AKAP19: variants seen among roughly 807,000 people sequenced by gnomAD.
The protein encoded by AKAP19 is A-kinase anchoring protein 19, also known as small A-kinase anchoring protein.
chr2:189,925,421 A>G, the AKAP19 span, among the ~76,000 whole-genome samples: 1 of 152,226 alleles, frequency 6.6e-6, no homozygotes, highest in African/African-American at 2.4e-5. Flanking sequence ...ATAAAAGATA[A>G]TTCCCAGGTT....
chr2:189,960,418 C>G, the AKAP19 span, among the ~76,000 whole-genome samples: 83 of 152,242 alleles, frequency 5.5e-4, no homozygotes, highest in Non-Finnish European at 3.8e-4. Flanking sequence ...AACTGAAGAA[C>G]AGCAAAGAGG....
chr2:189,973,243 T>C, the AKAP19 span, among the ~76,000 whole-genome samples: 2 of 152,202 alleles, frequency 1.3e-5, no homozygotes, highest in Non-Finnish European at 2.9e-5. Flanking sequence ...GAGATAATCA[T>C]GTGTTTTTTT....
chr2:189,896,646 G>A, the AKAP19 span, among the ~76,000 whole-genome samples: 1 of 152,090 alleles, frequency 6.6e-6, no homozygotes, highest in Non-Finnish European at 1.5e-5. Flanking sequence ...CATAAAGGGA[G>A]AAAACATAAT....
the AKAP19 span, among the ~76,000 whole-genome samples, chr2:190,196,028 T>G: frequency 1.3e-5 from 2 of 149,604 alleles, no homozygotes; most frequent in Non-Finnish European, 3.0e-5. Flanking sequence ...GTTTGGATTT[T>G]TAAACTAGTC....
the AKAP19 span, among the ~76,000 whole-genome samples, chr2:189,884,278 T>C: frequency 6.6e-6 from 1 of 152,194 alleles, no homozygotes; most frequent in Admixed American, 6.5e-5. Flanking sequence ...ACTGGTAAAT[T>C]ACAGCATCTT....
chr2:189,963,484 C>T, the AKAP19 span, among the ~76,000 whole-genome samples: 70 of 152,240 alleles, frequency 4.6e-4, no homozygotes, highest in African/African-American at 1.5e-3. Context: ...CATGAGCCAC[C>T]GCGCCCGGCC....
chr2:190,077,541 C>T, the AKAP19 span, among the ~76,000 whole-genome samples: 7 of 152,234 alleles, frequency 4.6e-5, no homozygotes, highest in South Asian at 2.1e-4. Context: ...TGGCCTCAAG[C>T]GGTCCACCTG....
chr2:189,989,567 A>AC, the AKAP19 span, among the ~76,000 whole-genome samples: 5 of 152,114 alleles, frequency 3.3e-5, no homozygotes, highest in Non-Finnish European at 5.9e-5. Context: ...GAACATACAA[A>AC]AAAAATTGGG....
chr2:190,188,664 A>G, the AKAP19 span, among the ~76,000 whole-genome samples: 1 of 152,246 alleles, frequency 6.6e-6, no homozygotes, highest in African/African-American at 2.4e-5. Flanking sequence ...ACTGGTGTGC[A>G]GGCTTATACT....
chr2:189,919,153 G>A, the AKAP19 span, among the ~76,000 whole-genome samples: 5 of 152,310 alleles, frequency 3.3e-5, no homozygotes, highest in South Asian at 1.0e-3. Flanking sequence ...TATCCTCTGT[G>A]GACAGGGGGG....
chr2:190,139,984 T>C, the AKAP19 span, among the ~76,000 whole-genome samples: 2 of 152,132 alleles, frequency 1.3e-5, no homozygotes, highest in African/African-American at 4.8e-5. Context: ...CTAGATACTA[T>C]GGGGGTACAG....
At chr2:190,050,795 G>A in the AKAP19 span, among the ~76,000 whole-genome samples, 17 of 152,188 alleles carry the variant, frequency 1.1e-4, no homozygotes, top group Admixed American at 8.5e-4. Flanking sequence ...GTTGGGAAGA[G>A]AGAGGCTTCA....
At chr2:189,930,916 G>A in the AKAP19 span, 1 of 716,900 alleles carries the variant, frequency 1.4e-6, no homozygotes, top group Non-Finnish European at 2.5e-6. Flanking sequence ...CTCCTGATAC[G>A]GCTTAGTTCC....
the AKAP19 span, among the ~76,000 whole-genome samples, chr2:189,959,901 T>C: frequency 3.9e-5 from 6 of 152,212 alleles, no homozygotes; most frequent in African/African-American, 1.4e-4. Context: ...TGTGGTATTA[T>C]TACTTATAAT....
the AKAP19 span, among the ~76,000 whole-genome samples, chr2:190,022,763 A>G: frequency 2.7e-5 from 4 of 148,588 alleles, no homozygotes; most frequent in East Asian, 3.9e-4. Flanking sequence ...AATGTATTCT[A>G]TAATTTTTTT....
chr2:190,041,146 A>G, the AKAP19 span, among the ~76,000 whole-genome samples: 35 of 152,246 alleles, frequency 2.3e-4, no homozygotes, highest in East Asian at 6.6e-3. Flanking sequence ...GATCCTTCCT[A>G]CCCATGAGCA....
chr2:190,191,462 T>C, the AKAP19 span, among the ~76,000 whole-genome samples: 1 of 152,200 alleles, frequency 6.6e-6, no homozygotes, highest in Non-Finnish European at 1.5e-5. Context: ...AATTTTTTTA[T>C]GTGAACACAA....
the AKAP19 span, among the ~76,000 whole-genome samples, chr2:189,970,010 C>T: frequency 1.3e-5 from 2 of 151,360 alleles, no homozygotes; most frequent in East Asian, 2.0e-4. Flanking sequence ...GTAGCTAGGA[C>T]TACAGGTGTG....
the AKAP19 span, among the ~76,000 whole-genome samples, chr2:190,100,635 A>G: frequency 6.6e-5 from 10 of 152,228 alleles, no homozygotes; most frequent in African/African-American, 2.4e-4. Context: ...TAAAATATGC[A>G]CAGGGGTGAA....
Sources: allele counts gnomAD v4.1 joint callset (sites outside exome capture counted in the v4.1 genomes callset), GRCh38; gene constraint gnomAD v4.1.1; transcripts MANE v1.5; gene names NCBI Gene and HGNC (gene_info 2026-07-23, HGNC 2026-07-21).